Variants in WSB2 observed in about 807,000 individuals in gnomAD.
WSB2 encodes WD repeat and SOCS box-containing protein 2.
Under a neutral mutation model 48.8 loss-of-function variants are expected in WSB2, and 12 were observed. That is an observed-to-expected ratio of 0.25 (90% CI 0.16 to 0.40). The LOEUF (loss-of-function observed/expected upper bound fraction) is 0.40. Ranked by LOEUF, WSB2 falls within the 10% of genes least tolerant of loss-of-function variation. The pLI, the probability that WSB2 is intolerant of heterozygous loss-of-function variation, is 1.00. For synonymous variants in WSB2, 191 were observed against 203.1 expected (o/e 0.94, Z 0.51); for missense variants, 317 against 506.2 (o/e 0.63, Z 3.59).
chr12:118,062,038 G>T, upstream of WSB2: 3 of 1,488,830 alleles, frequency 2.0e-6, no homozygotes, highest in Non-Finnish European at 2.7e-6. Context: ...CGGAGTGGGG[G>T]TGGGAACGAG....
chr12:118,060,033 G>A lies in WSB2; in HGVS notation c.13+1003C>T, dbSNP rs912896877. ...CATGAAGTTCTGGAACAAATTCTGAGCCCTAGGCCTTGAACCTGCTCTGAA... is the reference window on the plus strand; with the variant it reads ...CATGAAGTTCTGGAACAAATTCTGAACCCTAGGCCTTGAACCTGCTCTGAA... On this transcript the variant is annotated intron_variant, in intron 1 of 8. Coordinates refer to ENST00000315436, the MANE Select transcript of WSB2 (RefSeq NM_018639.5). The surrounding 1 kb of genome is among the most constrained non-coding windows in gnomAD (Gnocchi z 4.1). 3.3e-5 allele frequency among the ~76,000 whole-genome samples: 5 copies of A among 152,206 alleles called. No individual in the cohort carries two copies. The highest frequency in any genetic ancestry group is 5.9e-5 in the Non-Finnish European group (4 of 68,038).
At chr12:118,047,494 GA>G (rs1469039826) in intron 2 of WSB2, among the ~76,000 whole-genome samples, 1 of 152,202 alleles carries the variant, frequency 6.6e-6, no homozygotes, top group Non-Finnish European at 1.5e-5. Context: ...AGCACTACAT[GA>G]TTTTTAAAAA....
chr12:118,051,916 G>C (rs943609693), intron 2 of WSB2, among the ~76,000 whole-genome samples: 4 of 152,190 alleles, frequency 2.6e-5, no homozygotes, highest in Admixed American at 1.3e-4. Context: ...AGAGGTTGTA[G>C]TGAGCCAAGA....
chr12:118,044,877 G>A (rs187111780), intron 2 of WSB2, among the ~76,000 whole-genome samples: 76 of 152,244 alleles, frequency 5.0e-4, no homozygotes, highest in Non-Finnish European at 5.9e-5. Context: ...AAAGCTGAAC[G>A]CCAGGATGAG....
In WSB2 at chr12:118,033,547, T is replaced by TTA. The variant is rs796773753; in HGVS notation, c.*648_*649insTA. ...ATTTCCTGCACATGCACACCATTGT[T>TTA]AAAAAAAAAAAAAAAAAGCCAGTAA... On this transcript the variant is annotated 3_prime_UTR_variant, in exon 9 of 9. Transcript: ENST00000315436. 1 of 130,852 alleles carries TTA rather than the reference T, an allele frequency of 7.6e-6. No individual in the cohort carries two copies. Among genetic ancestry groups the TTA allele is most frequent in the Non-Finnish European group, 1.7e-5 (1 of 60,062 alleles). The allele number at this position is 130,852 out of a possible 1,614,324, so 8.1% of individuals were successfully genotyped here.
At position 118,036,466 on chromosome 12, in the gene WSB2, T is replaced by C; in HGVS notation, c.705A>G (p.Leu235=). The C allele has an allele frequency of 6.2e-7, 1 of 1,614,170 alleles. No individual in the cohort carries two copies. Residue 235 remains leucine (L), a synonymous_variant, in exon 6 of 9, where the codon CTA becomes CTG. Transcript: ENST00000315436. ...AGACAACACTGCTTTGATGGCCCTC[T>C]AGCTTCCGAATTAACGTGTAGGACC... is the stretch of plus-strand genomic sequence containing the variant. ...SMRSYTLIRK[L]EGHQSSVVSC...
intron 1 of WSB2, 88 bp from the exon 2 acceptor site, chr12:118,052,566 A>T: frequency 6.4e-7 from 1 of 1,572,458 alleles, no homozygotes; most frequent in South Asian, 1.2e-5. Flanking sequence ...CCCTGTGGCA[A>T]AGAGCCACAC....
At position 118,039,753 on chromosome 12, in the gene WSB2, TA is replaced by T. The variant is rs1288465921; in HGVS notation, c.560-1366del. Among the ~76,000 whole-genome samples the T allele has an allele frequency of 8.5e-4, 129 of 152,170 alleles. 1 individual carries two copies. The highest frequency in any genetic ancestry group is 1.8e-3 in the Admixed American group (28 of 15,292). ...TTAATATTTCTTTTTTATTTTTTTT[TA>T]TTTTTTTGAGACAGAGTCTTGTTCT... On this transcript the variant is annotated intron_variant, in intron 4 of 8. Transcript: ENST00000315436.
At chr12:118,061,343 A>T, upstream of WSB2, 3 of 177,788 alleles carry the variant, frequency 1.7e-5, no homozygotes, top group Non-Finnish European at 2.4e-5. Flanking sequence ...GGGGTTGCTC[A>T]GGGGAAACGG....
rs528258819 is a variant in WSB2, at chr12:118,055,455, G to A, written c.14-2977C>T. On this transcript the variant is annotated intron_variant, in intron 1 of 8. Coordinates refer to ENST00000315436, the MANE Select transcript of WSB2 (RefSeq NM_018639.5). ...CAAATGACCTGGATGGCCTGGGGTA[G>A]TGGCTCATGCCTGTAATCCCAGTGC... Among the ~76,000 whole-genome samples the A allele has an allele frequency of 5.9e-5, 9 of 152,282 alleles. No individual in the cohort carries two copies. In the South Asian group the frequency reaches 1.2e-3, roughly 21 times the overall value.
chr12:118,053,609 G>A (rs949698613), intron 1 of WSB2, among the ~76,000 whole-genome samples: 3 of 152,168 alleles, frequency 2.0e-5, no homozygotes, highest in Non-Finnish European at 4.4e-5. Flanking sequence ...TGAAAGAGTA[G>A]GCACCAGATT....
At chr12:118,050,224 A>T (rs550789008) in intron 2 of WSB2, among the ~76,000 whole-genome samples, 1 of 152,330 alleles carries the variant, frequency 6.6e-6, no homozygotes, top group South Asian at 2.1e-4. Flanking sequence ...AGGCTGGCTG[A>T]ATGAATAAAT....
intron 4 of WSB2, among the ~76,000 whole-genome samples, chr12:118,042,002 C>A (rs931236041): frequency 2.0e-4 from 30 of 152,006 alleles, no homozygotes; most frequent in African/African-American, 7.2e-4. Flanking sequence ...GTGATCCACC[C>A]GCCTCAGCCT....
chr12:118,034,377 C>G lies in WSB2; in HGVS notation c.1053-19G>C, dbSNP rs117570803. ...TCTTGTCCTAAAATGAAACAGAAAC[C>G]GATGCTAAGACAGAGCTTGGATGTT... On this transcript the variant is annotated intron_variant, in intron 8 of 8. Transcript: ENST00000315436. The G allele has an allele frequency of 1.2e-6, 2 of 1,612,316 alleles. No homozygotes were observed. The highest frequency in any genetic ancestry group is 1.7e-6 in the Non-Finnish European group (2 of 1,178,772).
intron 2 of WSB2, among the ~76,000 whole-genome samples, chr12:118,049,699 A>G (rs1355473083): frequency 5.3e-5 from 8 of 152,200 alleles, no homozygotes; most frequent in African/African-American, 1.9e-4. Flanking sequence ...TACCGCGCCC[A>G]GCCCAGAAGA....
chr12:118,042,775 T>C, intron 4 of WSB2, 66 bp downstream of exon 4: 1 of 1,564,304 alleles, frequency 6.4e-7, no homozygotes, highest in Non-Finnish European at 8.7e-7. Context: ...AAAATGACAC[T>C]GGTAAAGTGG....
At chr12:118,056,606 G>A (rs2031961587) in intron 1 of WSB2, among the ~76,000 whole-genome samples, 1 of 152,078 alleles carries the variant, frequency 6.6e-6, no homozygotes, top group South Asian at 2.1e-4. Flanking sequence ...AAACAAAAAA[G>A]TAACATAAAG....
In WSB2 at chr12:118,051,518, G is replaced by T. The variant is rs544242637; in HGVS notation, c.182+792C>A. Among the ~76,000 whole-genome samples the T allele has an allele frequency of 1.4e-4, 21 of 152,328 alleles. No homozygotes were observed. In the South Asian group the frequency reaches 4.4e-3, roughly 32 times the overall value. On this transcript the variant is annotated intron_variant, in intron 2 of 8. Coordinates refer to ENST00000315436, the MANE Select transcript of WSB2 (RefSeq NM_018639.5). Reference sequence around the variant, plus strand: ...AAATGAAAGGAGCTAGTCAAAAAAGGCTACGTGTTGTATGACTCCATTAAT... The same window carrying T: ...AAATGAAAGGAGCTAGTCAAAAAAGTCTACGTGTTGTATGACTCCATTAAT...
At chr12:118,054,455 G>A (rs1307712361) in intron 1 of WSB2, among the ~76,000 whole-genome samples, 1 of 148,784 alleles carries the variant, frequency 6.7e-6, no homozygotes, top group Non-Finnish European at 1.5e-5. Context: ...CAGATCACCT[G>A]AGGTCGGGAG....
Sources: gnomAD v4.1 joint callset for allele counts (sites outside exome capture counted in the v4.1 genomes callset) on GRCh38, gnomAD v4.1.1 for gene constraint, Gnocchi (gnomAD v3.1) non-coding constraint, MANE v1.5 for transcripts, NCBI Gene and HGNC (gene_info 2026-07-23, HGNC 2026-07-21) for gene names.